The following ALPL variants were observed in gnomAD, a reference collection of about 807,000 sequenced individuals.
ALPL encodes alkaline phosphatase, biomineralization associated, also known as alkaline phosphatase, tissue-nonspecific isozyme.
A neutral mutation model predicts 51.3 loss-of-function variants in ALPL; 42 were observed. The observed-to-expected ratio is 0.82, with a 90% CI of 0.64 to 1.06. The LOEUF is 1.06. ALPL is among the 50% of genes least tolerant of loss of function. The pLI, the probability that ALPL is intolerant of heterozygous loss-of-function variation, is 0.00. For missense variants in ALPL, 589 were observed against 709.4 expected (o/e 0.83, Z 1.93); for synonymous variants, 279 against 296.4 (o/e 0.94, Z 0.60).
chr1:21,512,283 TC>T (rs1368485102), intron 1 of ALPL, among the ~76,000 whole-genome samples: 1 of 152,168 alleles, frequency 6.6e-6, no homozygotes. Flanking sequence ...GAAGGTTCAT[TC>T]CCAGCACTGC....
At chr1:21,523,298 CAA>C (rs1643902369) in intron 1 of ALPL, among the ~76,000 whole-genome samples, 1 of 151,998 alleles carries the variant, frequency 6.6e-6, no homozygotes, top group Non-Finnish European at 1.5e-5. Flanking sequence ...GACTCCATCT[CAA>C]AAACAAAAAA....
chr1:21,551,719 G>GTTTTTTTTTTTTTTTTT (rs397861981), intron 1 of ALPL, among the ~76,000 whole-genome samples: 1 of 61,440 alleles, frequency 1.6e-5, no homozygotes, highest in Non-Finnish European at 3.0e-5. Flanking sequence ...AGCTTGCGTG[G>GTTTTTTTTTTTTTTTTT]TTTTTTTTTT....
intron 2 of ALPL, among the ~76,000 whole-genome samples, chr1:21,559,164 C>T (rs1644451861): frequency 6.6e-6 from 1 of 152,224 alleles, no homozygotes; most frequent in South Asian, 2.1e-4. Flanking sequence ...CCTCCCATTC[C>T]TGATCTCTCC....
intron 1 of ALPL, among the ~76,000 whole-genome samples, chr1:21,517,510 A>T (rs1643822584): frequency 6.6e-6 from 1 of 152,154 alleles, no homozygotes; most frequent in South Asian, 2.1e-4. Flanking sequence ...GGGAGGCCCC[A>T]GGGGGAGGAG....
Position 21,563,238 on chromosome 1 carries a change from C to T in ALPL, c.426C>T (p.Thr142=), listed in dbSNP as rs771727704. ...AATERSRCNT[T]QGNEVTSILR... ...CTGAGCGTTCCCGGTGCAACACCACCCAGGGGAACGAGGTCACCTCCATCC... is the reference window on the plus strand; with the variant it reads ...CTGAGCGTTCCCGGTGCAACACCACTCAGGGGAACGAGGTCACCTCCATCC... Residue 142 remains threonine, a synonymous_variant, in exon 5 of 12, where the codon ACC becomes ACT. Coordinates refer to ENST00000374840, the MANE Select transcript of ALPL (RefSeq NM_000478.6). 1 of 1,613,736 alleles carries T rather than the reference C, an allele frequency of 6.2e-7. No homozygotes were observed. Among genetic ancestry groups the T allele is most frequent in the South Asian group, 1.1e-5 (1 of 91,066 alleles).
intron 1 of ALPL, among the ~76,000 whole-genome samples, chr1:21,516,278 C>T (rs1643798511): frequency 6.6e-6 from 1 of 152,130 alleles, no homozygotes; most frequent in African/African-American, 2.4e-5. Context: ...ACTAACTGAC[C>T]CGTCTGCCGC....
In ALPL at chr1:21,554,043, C is replaced by G; in HGVS notation, c.-39C>G. The stretch of plus-strand genomic sequence containing the variant: ...CCCCTCCCACCCACGTCGATTGCAT[C>G]TCTGGGCTCCAGGGATAAAGCAGGT... On this transcript the variant is annotated 5_prime_UTR_variant, in exon 2 of 12. It adds an upstream start codon to the 5' untranslated region. Coordinates refer to ENST00000374840, the MANE Select transcript of ALPL (RefSeq NM_000478.6). 1.1e-6 allele frequency: 1 copy of G among 878,858 alleles called. No homozygotes were observed. The highest frequency in any genetic ancestry group is 1.7e-6 in the Non-Finnish European group (1 of 575,324). 54.4% of individuals were successfully genotyped at this position (878,858 alleles called of 1,614,324 possible).
At chr1:21,573,197 G>T (rs1226522016) in intron 8 of ALPL, among the ~76,000 whole-genome samples, 1 of 152,228 alleles carries the variant, frequency 6.6e-6, no homozygotes, top group Non-Finnish European at 1.5e-5. Context: ...ACTTTGGGAG[G>T]CCGAGGTGGG....
In ALPL at chr1:21,554,030, A is replaced by AC; in HGVS notation, c.-51dup. ...ACTGCCAGCCCACCCCCTCCCACCC[A>AC]CGTCGATTGCATCTCTGGGCTCCAG... On this transcript the variant is annotated 5_prime_UTR_variant, in exon 2 of 12. Transcript: ENST00000374840. 1 of 687,736 alleles carries AC rather than the reference A, an allele frequency of 1.5e-6. No individual in the cohort carries two copies. Among genetic ancestry groups the AC allele is most frequent in the Non-Finnish European group, 2.5e-6 (1 of 399,764 alleles). 42.6% of individuals were successfully genotyped at this position (687,736 alleles called of 1,614,324 possible).
intron 1 of ALPL, among the ~76,000 whole-genome samples, chr1:21,517,581 G>A (rs1447539950): frequency 1.3e-5 from 2 of 152,082 alleles, no homozygotes; most frequent in African/African-American, 4.8e-5. Flanking sequence ...GTGTTTCTTA[G>A]CCTGTTCACC....
At chr1:21,516,373 C>A (rs1373775263) in intron 1 of ALPL, among the ~76,000 whole-genome samples, 1 of 152,186 alleles carries the variant, frequency 6.6e-6, no homozygotes, top group African/African-American at 2.4e-5. Flanking sequence ...TCTTCTTTCT[C>A]TGCCTCATTC....
intron 1 of ALPL, among the ~76,000 whole-genome samples, chr1:21,539,755 C>A: frequency 6.6e-6 from 1 of 151,442 alleles, no homozygotes; most frequent in African/African-American, 2.4e-5. Flanking sequence ...CCCGAGTTCA[C>A]ACCATTCTCC....
Position 21,527,015 on chromosome 1 carries a change from G to GTTCTT in ALPL, c.-105+17525_-105+17529dup, listed in dbSNP as rs57296888. Among the ~76,000 whole-genome samples, 683 of 140,622 alleles carry GTTCTT rather than the reference G, an allele frequency of 4.9e-3. 22 individuals carry two copies. Among genetic ancestry groups the GTTCTT allele is most frequent in the African/African-American group, 0.015 (589 of 39,380 alleles). 92.3% of individuals were successfully genotyped at this position (140,622 alleles called of 152,430 possible). On this transcript the variant is annotated intron_variant, in intron 1 of 11. Coordinates refer to ENST00000374840, the MANE Select transcript of ALPL (RefSeq NM_000478.6). ...TGAGTTACAGATCTATGTTATTCTTGTTCTTTTCTTTTCTTTTCTTTTCTT... is the reference window on the plus strand; with the variant it reads ...TGAGTTACAGATCTATGTTATTCTTGTTCTTTTCTTTTCTTTTCTTTTCTTTTCTT...
chr1:21,562,395 G>A (rs193208973), intron 4 of ALPL, among the ~76,000 whole-genome samples: 12 of 152,258 alleles, frequency 7.9e-5, no homozygotes, highest in Admixed American at 5.2e-4. Flanking sequence ...GGTTGTTCAA[G>A]GCAGTGTGCA....
At chr1:21,521,561 G>A (rs569149479) in intron 1 of ALPL, among the ~76,000 whole-genome samples, 8 of 152,290 alleles carry the variant, frequency 5.3e-5, no homozygotes, top group Admixed American at 2.0e-4. Flanking sequence ...AGCCTGGGAG[G>A]GATGCCCCAC....
At position 21,564,039 on chromosome 1, in the gene ALPL, A is replaced by G; in HGVS notation, c.473-2A>G. On this transcript the variant is annotated splice_acceptor_variant, in intron 5 of 11. Transcript: ENST00000374840. LOFTEE classifies it high-confidence loss of function. The surrounding 1 kb of genome is among the most constrained non-coding windows in gnomAD (Gnocchi z 5.8). The stretch of plus-strand genomic sequence containing the variant: ...GCCAAACCCGCCCCTCCTGCACCCC[A>G]GGGAAATCTGTGGGCATTGTGACCA... The G allele has an allele frequency of 6.2e-7, 1 of 1,613,708 alleles. No homozygotes were observed. The highest frequency in any genetic ancestry group is 8.5e-7 in the Non-Finnish European group (1 of 1,179,958).
chr1:21,514,793 G>A (rs564881156), intron 1 of ALPL, among the ~76,000 whole-genome samples: 14 of 152,244 alleles, frequency 9.2e-5, no homozygotes, highest in Non-Finnish European at 1.6e-4. Context: ...CATTTTGTGA[G>A]CACCATTGGG....
chr1:21,575,033 C>T (rs897782381), intron 9 of ALPL, among the ~76,000 whole-genome samples: 17 of 152,350 alleles, frequency 1.1e-4, no homozygotes, highest in South Asian at 4.1e-4. Context: ...TGCACTCACC[C>T]GGAGGTGGGA....
chr1:21,534,957 C>T (rs1475393593), intron 1 of ALPL, among the ~76,000 whole-genome samples: 1 of 152,164 alleles, frequency 6.6e-6, no homozygotes, highest in Non-Finnish European at 1.5e-5. Flanking sequence ...TTCTTTTTCC[C>T]CGCTGTACTT....
Sources: allele counts gnomAD v4.1 joint callset (sites outside exome capture counted in the v4.1 genomes callset), GRCh38; gene constraint gnomAD v4.1.1; non-coding constraint Gnocchi (gnomAD v3.1); transcripts MANE v1.5; gene names NCBI Gene and HGNC (gene_info 2026-07-23, HGNC 2026-07-21).